The following ZNF722 variants were observed in gnomAD, a reference collection of about 807,000 sequenced individuals.
ZNF722 encodes the protein zinc finger protein 722.
chr7:64,002,685 T>TCCCAGCAC, the ZNF722 span, among the ~76,000 whole-genome samples: 1 of 152,212 alleles, frequency 6.6e-6, no homozygotes, highest in African/African-American at 2.4e-5. Context: ...TATGTGTTAT[T>TCCCAGCAC]CCCAGCACAG....
the ZNF722 span, among the ~76,000 whole-genome samples, chr7:64,001,660 A>G: frequency 6.6e-6 from 1 of 152,204 alleles, no homozygotes; most frequent in Non-Finnish European, 1.5e-5. Flanking sequence ...AAAAAATGCC[A>G]AACTGCTTTT....
the ZNF722 span, among the ~76,000 whole-genome samples, chr7:64,002,136 CT>C: frequency 6.6e-6 from 1 of 152,148 alleles, no homozygotes; most frequent in Non-Finnish European, 1.5e-5. Flanking sequence ...CCGCCTTGGA[CT>C]CCCAAAGTGC....
At chr7:64,004,431 T>A in the ZNF722 span, among the ~76,000 whole-genome samples, 4,969 of 96,826 alleles carry the variant, frequency 0.051, 135 homozygotes, top group East Asian at 0.082. Context: ...AAAAAATATA[T>A]ATATATATAT....
the ZNF722 span, chr7:64,016,207 C>A: frequency 3.9e-6 from 1 of 253,572 alleles, no homozygotes; most frequent in East Asian, 9.7e-5. Context: ...GGCACAAACT[C>A]AGCTCACTGT....
the ZNF722 span, among the ~76,000 whole-genome samples, chr7:64,016,697 A>T: frequency 6.6e-6 from 1 of 152,180 alleles, no homozygotes; most frequent in African/African-American, 2.4e-5. Context: ...AACTGTAGAA[A>T]AAAATGTGGC....
At chr7:64,007,230 G>GTGTGTGTATATA in the ZNF722 span, among the ~76,000 whole-genome samples, 3 of 138,512 alleles carry the variant, frequency 2.2e-5, no homozygotes, top group South Asian at 4.4e-4. Flanking sequence ...GTTTGTGTGT[G>GTGTGTGTATATA]TATATATATA....
At chr7:64,017,415 T>G in the ZNF722 span, among the ~76,000 whole-genome samples, 1 of 152,118 alleles carries the variant, frequency 6.6e-6, no homozygotes, top group Admixed American at 6.6e-5. Flanking sequence ...TAAATGTGAT[T>G]ACTGTAAAAA....
At chr7:64,001,965 C>T in the ZNF722 span, among the ~76,000 whole-genome samples, 1 of 152,032 alleles carries the variant, frequency 6.6e-6, no homozygotes, top group African/African-American at 2.4e-5. Flanking sequence ...CTCACTGCAA[C>T]CTCTGCCCTC....
chr7:64,004,593 C>T, the ZNF722 span, among the ~76,000 whole-genome samples: 2 of 151,416 alleles, frequency 1.3e-5, no homozygotes, highest in African/African-American at 2.4e-5. Context: ...ACTTGGTTCA[C>T]GATGTCTCTG....
At chr7:64,005,796 T>C in the ZNF722 span, 2 of 1,380,106 alleles carry the variant, frequency 1.4e-6, no homozygotes, top group African/African-American at 1.5e-5. Flanking sequence ...TTTTCTAAGA[T>C]GATTTTGGTA....
At chr7:64,006,277 G>C in the ZNF722 span, 133 of 1,316,092 alleles carry the variant, frequency 1.0e-4, no homozygotes, top group Non-Finnish European at 1.4e-4. Context: ...AAATAAAGAG[G>C]CTTGGAATAT....
At chr7:64,000,468 T>TTTTTTTTTGGGG in the ZNF722 span, among the ~76,000 whole-genome samples, 1 of 127,942 alleles carries the variant, frequency 7.8e-6, no homozygotes, top group Non-Finnish European at 1.6e-5. Flanking sequence ...TTTTTTTTTT[T>TTTTTTTTTGGGG]GAGAGGGAGT....
the ZNF722 span, among the ~76,000 whole-genome samples, chr7:64,004,421 AAAAAATATATATAT>A: frequency 8.6e-5 from 6 of 69,480 alleles, no homozygotes; most frequent in African/African-American, 3.9e-4. Flanking sequence ...AAAAAAAAAA[AAAAAATATATATAT>A]ATATATATAT....
the ZNF722 span, among the ~76,000 whole-genome samples, chr7:64,007,027 A>G: frequency 6.6e-6 from 1 of 151,596 alleles, no homozygotes; most frequent in Non-Finnish European, 1.5e-5. Context: ...TGATGGCTGC[A>G]TCTTTTTTCT....
chr7:64,012,925 C>T, the ZNF722 span, among the ~76,000 whole-genome samples: 1 of 152,132 alleles, frequency 6.6e-6, no homozygotes, highest in African/African-American at 2.4e-5. Context: ...CTTAAAGGAA[C>T]TTGGTTCCTC....
chr7:64,000,040 G>A, the ZNF722 span, among the ~76,000 whole-genome samples: 1 of 150,930 alleles, frequency 6.6e-6, no homozygotes, highest in African/African-American at 2.4e-5. Context: ...AGTGAGAACC[G>A]AAAAAAATCA....
the ZNF722 span, among the ~76,000 whole-genome samples, chr7:64,004,425 A>AAAAAAAAATATATATATATATATAT: frequency 4.9e-5 from 3 of 61,112 alleles, no homozygotes; most frequent in African/African-American, 2.4e-4. Context: ...AAAAAAAAAA[A>AAAAAAAAATATATATATATATATAT]ATATATATAT....
chr7:64,004,425 A>AAAAAAAAAAAAAAAAAAATATAT, the ZNF722 span, among the ~76,000 whole-genome samples: 2 of 61,116 alleles, frequency 3.3e-5, no homozygotes, highest in African/African-American at 1.6e-4. Flanking sequence ...AAAAAAAAAA[A>AAAAAAAAAAAAAAAAAAATATAT]ATATATATAT....
At chr7:64,015,955 A>C in the ZNF722 span, 1 of 1,211,936 alleles carries the variant, frequency 8.3e-7, no homozygotes, top group Admixed American at 2.2e-5. Flanking sequence ...CTTATAATAC[A>C]TACAATAATT....
Sources: gnomAD v4.1 joint callset for allele counts (sites outside exome capture counted in the v4.1 genomes callset) on GRCh38, gnomAD v4.1.1 for gene constraint, MANE v1.5 for transcripts, NCBI Gene and HGNC (gene_info 2026-07-23, HGNC 2026-07-21) for gene names.